The following PCDHGB3 variants were observed in gnomAD, a reference collection of about 807,000 sequenced individuals.
PCDHGB3 encodes protocadherin gamma subfamily B, 3.
Under a neutral mutation model 59.2 loss-of-function variants are expected in PCDHGB3, and 40 were observed. The observed-to-expected ratio is 0.68, with a 90% CI of 0.52 to 0.88. The LOEUF (loss-of-function observed/expected upper bound fraction) is 0.88. Ranked by LOEUF, PCDHGB3 falls within the 40% of genes least tolerant of loss-of-function variation. The pLI, the probability that PCDHGB3 is intolerant of heterozygous loss-of-function variation, is 0.00. For missense variants in PCDHGB3, 1,309 were observed against 1,187.9 expected (o/e 1.10, Z -1.50); for synonymous variants, 581 against 503.6 (o/e 1.15, Z -2.06).
At chr5:141,375,743 G>T (rs1306571091) in intron 1 of PCDHGB3, 1 of 1,614,120 alleles carries the variant, frequency 6.2e-7, no homozygotes, top group African/African-American at 1.3e-5. Flanking sequence ...GTTTGTGCTG[G>T]ACCAGAATGA....
chr5:141,475,572 C>T (rs2099365596), intron 1 of PCDHGB3, among the ~76,000 whole-genome samples: 1 of 152,214 alleles, frequency 6.6e-6, no homozygotes, highest in South Asian at 2.1e-4. Context: ...TTCCAACAAG[C>T]CAGATTTGTT....
At chr5:141,418,863 TAG>T (rs1165304037) in intron 1 of PCDHGB3, 1 of 1,613,990 alleles carries the variant, frequency 6.2e-7, no homozygotes, top group Non-Finnish European at 8.5e-7. Context: ...AAAGTAATTG[TAG>T]AAGTTGTAGA....
At chr5:141,451,185 T>C (rs900513875) in intron 1 of PCDHGB3, among the ~76,000 whole-genome samples, 1 of 152,182 alleles carries the variant, frequency 6.6e-6, no homozygotes, top group Non-Finnish European at 1.5e-5. Context: ...GCCATTGCTG[T>C]GTAACAAATT....
rs2099684984 is a variant in PCDHGB3 at position 141,489,278 on chromosome 5, G to A, written c.2416-5529G>A. ...ACACTCCCACAGCTCGCTGGGAAAT[G>A]GCAAGTGCTGTGCATGTTGTCCTTG... is the stretch of plus-strand genomic sequence containing the variant. On this transcript the variant is annotated intron_variant, in intron 1 of 3. Transcript: ENST00000576222. The surrounding 1 kb of genome is among the most constrained non-coding windows in gnomAD (Gnocchi z 4.5). The A allele has an allele frequency of 6.4e-7, 1 of 1,561,298 alleles. No homozygotes were observed. The highest frequency in any genetic ancestry group is 2.2e-5 in the East Asian group (1 of 44,520).
At position 141,372,253 on chromosome 5, in the gene PCDHGB3, GC is replaced by G; in HGVS notation, c.1861del (p.Leu621CysfsTer42). On this transcript the variant is annotated frameshift_variant, in exon 1 of 4. Transcript: ENST00000576222. LOFTEE classifies it high-confidence loss of function. ...AGCGAGCCCGGGCTGTTCAGCCTGG[GC>G]CTGCGCACGGGTGAGGTGCGCACGG... ...QASEPGLFSL[G>X]LRTGEVRTAR... The G allele has an allele frequency of 6.2e-7, 1 of 1,613,158 alleles. No individual in the cohort carries two copies. Among genetic ancestry groups the G allele is most frequent in the Non-Finnish European group, 8.5e-7 (1 of 1,179,758 alleles).
intron 1 of PCDHGB3, among the ~76,000 whole-genome samples, chr5:141,459,971 A>G (rs1458539493): frequency 2.6e-5 from 4 of 152,208 alleles, no homozygotes; most frequent in Non-Finnish European, 5.9e-5. Flanking sequence ...CCAGCTACTC[A>G]GGAGGCTGAG....
At position 141,476,151 on chromosome 5, in the gene PCDHGB3, G is replaced by A; in HGVS notation, c.2416-18656G>A. Reference sequence around the variant, plus strand: ...GAGGCCTGGAGGAGCGGACTGGTAAGCACCGGGAGGGTAGTGGGAGTTTTG... The same window carrying A: ...GAGGCCTGGAGGAGCGGACTGGTAAACACCGGGAGGGTAGTGGGAGTTTTG... On this transcript the variant is annotated intron_variant, in intron 1 of 3. Transcript: ENST00000576222. This position sits in a 1 kb window ranked among gnomAD's most constrained non-coding sequence, Gnocchi z 7.6. 1 of 1,612,022 alleles carries A rather than the reference G, an allele frequency of 6.2e-7. No individual in the cohort carries two copies. Among genetic ancestry groups the A allele is most frequent in the Admixed American group, 1.7e-5 (1 of 60,014 alleles).
intron 1 of PCDHGB3, chr5:141,382,944 G>A (rs375823415): frequency 6.3e-7 from 1 of 1,596,888 alleles, no homozygotes; most frequent in Non-Finnish European, 8.6e-7. Flanking sequence ...GATTCTTCCT[G>A]CTCTCCATCC....
At chr5:141,420,052 C>T (rs535784301) in intron 1 of PCDHGB3, 1 of 1,614,070 alleles carries the variant, frequency 6.2e-7, no homozygotes, top group South Asian at 1.1e-5. Flanking sequence ...AGTCAGTTCT[C>T]TGCTCCAAGT....
chr5:141,420,507 A>G (rs548077936), intron 1 of PCDHGB3: 1 of 428,282 alleles, frequency 2.3e-6, no homozygotes, highest in African/African-American at 2.0e-5. Context: ...TGACATTTTT[A>G]TGAAGTAAAA....
At position 141,511,146 on chromosome 5, in the gene PCDHGB3, G is replaced by T; in HGVS notation, c.2763G>T (p.Lys921Asn). 1 of 1,614,208 alleles carries T rather than the reference G, an allele frequency of 6.2e-7. No individual in the cohort carries two copies. Among genetic ancestry groups the T allele is most frequent in the Non-Finnish European group, 8.5e-7 (1 of 1,180,018 alleles). The change falls in exon 4 of 4, where the codon AAG becomes AAT. Residue 921 changes from lysine to asparagine, a missense_variant. Lys to Asn is a moderately conservative substitution (Grantham distance 94). Coordinates refer to ENST00000576222, the MANE Select transcript of PCDHGB3 (RefSeq NM_018924.5). Reference protein sequence around the residue: ...KAPAGGNGNKKKSGKKEKK With the variant: ...KAPAGGNGNKNKSGKKEKK The stretch of plus-strand genomic sequence containing the variant: ...CAGCAGGTGGCAATGGCAACAAGAA[G>T]AAGTCGGGCAAGAAGGAGAAGAAGT...
chr5:141,398,855 A>C, intron 1 of PCDHGB3: 1 of 1,613,970 alleles, frequency 6.2e-7, no homozygotes, highest in Non-Finnish European at 8.5e-7. Context: ...CCGGTATTCA[A>C]CCGAGACGTG....
intron 1 of PCDHGB3, among the ~76,000 whole-genome samples, chr5:141,463,797 T>C (rs58523023): frequency 0.28 from 42,459 of 152,012 alleles, 6,656 homozygotes; most frequent in African/African-American, 0.43. Flanking sequence ...TGAACAAATG[T>C]CTAAAAGCTT....
chr5:141,477,007 A>C lies in PCDHGB3; in HGVS notation c.2416-17800A>C, dbSNP rs891158982. The C allele has an allele frequency of 1.9e-6, 3 of 1,614,258 alleles. No individual in the cohort carries two copies. The Admixed American group carries it at 5.0e-5, about 27-fold the overall frequency. ...CCGGCGTGCGGCAACTATTCGCCTT[A>C]GACCTTGTAACCGGGATGCTGACAA... On this transcript the variant is annotated intron_variant, in intron 1 of 3. Coordinates refer to ENST00000576222, the MANE Select transcript of PCDHGB3 (RefSeq NM_018924.5). This position sits in a 1 kb window ranked among gnomAD's most constrained non-coding sequence, Gnocchi z 4.9.
chr5:141,382,913 C>T (rs1778570973), intron 1 of PCDHGB3: 1 of 1,553,116 alleles, frequency 6.4e-7, no homozygotes, highest in Admixed American at 2.0e-5. Flanking sequence ...GCGGCTCAGC[C>T]GAGGGGCGGG....
intron 1 of PCDHGB3, chr5:141,441,758 C>T: frequency 2.6e-6 from 1 of 382,050 alleles, no homozygotes. Context: ...TCAACGTGAG[C>T]CTGCGCGTGT....
Position 141,491,454 on chromosome 5 carries a change from C to T in PCDHGB3, c.2416-3353C>T. The T allele has an allele frequency of 1.9e-6, 3 of 1,614,120 alleles. No individual in the cohort carries two copies. The highest frequency in any genetic ancestry group is 2.5e-6 in the Non-Finnish European group (3 of 1,180,032). On this transcript the variant is annotated intron_variant, in intron 1 of 3. Coordinates refer to ENST00000576222, the MANE Select transcript of PCDHGB3 (RefSeq NM_018924.5). This position sits in a 1 kb window ranked among gnomAD's most constrained non-coding sequence, Gnocchi z 6.9. ...GCTGCAGGCGCCAGGACTCACCCTCCCCGGACTTCTATAAGCAGTCCAGCC... is the reference window on the plus strand; with the variant it reads ...GCTGCAGGCGCCAGGACTCACCCTCTCCGGACTTCTATAAGCAGTCCAGCC...
intron 1 of PCDHGB3, chr5:141,394,156 AC>A (rs2092929687): frequency 6.2e-7 from 1 of 1,613,556 alleles, no homozygotes; most frequent in Admixed American, 1.7e-5. Flanking sequence ...ATTAACGACA[AC>A]CCTCCTACTT....
intron 3 of PCDHGB3, among the ~76,000 whole-genome samples, chr5:141,508,658 A>G (rs1420910010): frequency 2.0e-5 from 3 of 152,086 alleles, no homozygotes; most frequent in African/African-American, 4.8e-5. Flanking sequence ...CCTTCCTGTC[A>G]TTCTGTCTCT....
Sources: gnomAD v4.1 joint callset for allele counts (sites outside exome capture counted in the v4.1 genomes callset) on GRCh38, gnomAD v4.1.1 for gene constraint, Gnocchi (gnomAD v3.1) non-coding constraint, MANE v1.5 for transcripts, NCBI Gene and HGNC (gene_info 2026-07-23, HGNC 2026-07-21) for gene names.